The following ZC3H8 variants were observed in gnomAD, a reference collection of about 807,000 sequenced individuals.
ZC3H8 encodes the protein zinc finger CCCH domain-containing protein 8.
Under a neutral mutation model 42.5 loss-of-function variants are expected in ZC3H8, and 27 were observed. The ratio of observed to expected loss-of-function variants is 0.64; its 90% CI spans 0.47 to 0.88. The LOEUF is 0.88. Among genes scored for constraint, ZC3H8 ranks in the 40% least tolerant of loss-of-function variants. The pLI, the probability that ZC3H8 is intolerant of heterozygous loss-of-function variation, is 0.00. For missense variants in ZC3H8, 277 were observed against 336.1 expected (o/e 0.82, Z 1.37); for synonymous variants, 101 against 110.1 (o/e 0.92, Z 0.52).
intron 1 of ZC3H8, 68 bp downstream of exon 1, chr2:112,254,840 C>T: frequency 6.5e-7 from 1 of 1,545,472 alleles, no homozygotes; most frequent in South Asian, 1.2e-5. Flanking sequence ...GCCTCCAATC[C>T]AGAAGAAACT....
At chr2:112,236,725 A>G in intron 3 of ZC3H8, 30 bp from the exon 4 acceptor site, 1 of 1,555,120 alleles carries the variant, frequency 6.4e-7, no homozygotes, top group Non-Finnish European at 8.7e-7. Flanking sequence ...TTAAAAAATG[A>G]CATAAAGTTA....
chr2:112,248,960 C>T (rs574345499), intron 2 of ZC3H8, among the ~76,000 whole-genome samples: 4 of 152,124 alleles, frequency 2.6e-5, no homozygotes, highest in East Asian at 3.9e-4. Context: ...TTTGGGAGGC[C>T]GAGGCGGTCA....
chr2:112,241,006 G>T (rs972584849), intron 2 of ZC3H8, among the ~76,000 whole-genome samples: 3 of 129,390 alleles, frequency 2.3e-5, no homozygotes, highest in Non-Finnish European at 3.5e-5. Context: ...TGTGTGTTGT[G>T]TTTTGTGTGT....
chr2:112,231,816 GATT>G lies in ZC3H8; in HGVS notation c.843+19_843+21del. ...ATTCCTTAAAAAAGAAAAAACAAAA[GATT>G]ATTAAAAATTATACTTACTTTAGCC... On this transcript the variant is annotated intron_variant, in intron 7 of 8. Transcript: ENST00000409573. The G allele has an allele frequency of 6.9e-7, 1 of 1,445,702 alleles. No homozygotes were observed. The highest frequency in any genetic ancestry group is 9.4e-7 in the Non-Finnish European group (1 of 1,061,226). 89.6% of individuals were successfully genotyped at this position (1,445,702 alleles called of 1,614,324 possible).
rs1176551851 is a variant in ZC3H8, at chr2:112,226,604, A to AAAAAAAAAAAAC, written c.*15+4298_*15+4299insGTTTTTTTTTTT. On this transcript the variant is annotated intron_variant, in intron 8 of 8. Coordinates refer to ENST00000409573, the MANE Select transcript of ZC3H8 (RefSeq NM_032494.3). Reference sequence around the variant, plus strand: ...GACTCCATCTCAAAAAAAAAAAAAAAAGCTCAGGCCCAGTTGTCTTACTGG... The same window carrying AAAAAAAAAAAAC: ...GACTCCATCTCAAAAAAAAAAAAAAAAAAAAAAAAAACAGCTCAGGCCCAGTTGTCTTACTGG... Among the ~76,000 whole-genome samples the AAAAAAAAAAAAC allele has an allele frequency of 2.0e-5, 3 of 151,064 alleles. 1 individual carries two copies. The highest frequency in any genetic ancestry group is 6.6e-5 in the Admixed American group (1 of 15,190).
At chr2:112,243,690 T>G (rs144286837) in intron 2 of ZC3H8, among the ~76,000 whole-genome samples, 1 of 152,314 alleles carries the variant, frequency 6.6e-6, no homozygotes, top group Non-Finnish European at 1.5e-5. Flanking sequence ...CTCTCCTTCA[T>G]TATATAAATA....
In ZC3H8 at chr2:112,211,787, G is replaced by A. The variant is rs1283144119; in HGVS notation, c.*4697C>T. Reference sequence around the variant, plus strand: ...TCTTTCATGCCTCCAAGACAAGTTCGAATTTAGTTTATTTTTAAATAATGT... The same window carrying A: ...TCTTTCATGCCTCCAAGACAAGTTCAAATTTAGTTTATTTTTAAATAATGT... On this transcript the variant is annotated 3_prime_UTR_variant, in exon 9 of 9. Coordinates refer to ENST00000409573, the MANE Select transcript of ZC3H8 (RefSeq NM_032494.3). The A allele has an allele frequency of 4.0e-5, 6 of 151,872 alleles. No homozygotes were observed. Among genetic ancestry groups the A allele is most frequent in the South Asian group, 2.1e-4 (1 of 4,816 alleles). The allele number at this position is 151,872 out of a possible 1,614,324, so 9.4% of individuals were successfully genotyped here.
chr2:112,250,321 T>G lies in ZC3H8; in HGVS notation c.75-49A>C, dbSNP rs1249156149. 3 of 1,359,282 alleles carry G rather than the reference T, an allele frequency of 2.2e-6. No homozygotes were observed. In the South Asian group the frequency reaches 4.2e-5, roughly 19 times the overall value. The allele number at this position is 1,359,282 out of a possible 1,614,324, so 84.2% of individuals were successfully genotyped here. ...ACAAAAGAGTTTTTTCAACCTGAAG[T>G]GTTCATACCACAGCGTTACAATTCA... On this transcript the variant is annotated intron_variant, in intron 1 of 8. Coordinates refer to ENST00000409573, the MANE Select transcript of ZC3H8 (RefSeq NM_032494.3).
intron 2 of ZC3H8, among the ~76,000 whole-genome samples, chr2:112,243,000 G>C (rs1447059820): frequency 6.6e-6 from 1 of 152,158 alleles, no homozygotes; most frequent in African/African-American, 2.4e-5. Context: ...TGGCCTTTTG[G>C]CAAGAACAGC....
In ZC3H8 at chr2:112,216,278, G is replaced by A. The variant is rs1286049200; in HGVS notation, c.*206C>T. ...ATTCCAATGGCTGGAATGTCTCAGG[G>A]AAGACCAAGCCCTTCACTTGTACAT... On this transcript the variant is annotated 3_prime_UTR_variant, in exon 9 of 9. Coordinates refer to ENST00000409573, the MANE Select transcript of ZC3H8 (RefSeq NM_032494.3). The A allele has an allele frequency of 1.3e-5, 2 of 152,226 alleles. No homozygotes were observed. Among genetic ancestry groups the A allele is most frequent in the South Asian group, 2.1e-4 (1 of 4,834 alleles). The allele number at this position is 152,226 out of a possible 1,614,324, so 9.4% of individuals were successfully genotyped here. A position where few individuals can be genotyped will look rare whatever the true frequency, so the allele number is the denominator to read the frequency against.
chr2:112,214,920 T>C lies in ZC3H8; in HGVS notation c.*1564A>G, dbSNP rs1035483871. On this transcript the variant is annotated 3_prime_UTR_variant, in exon 9 of 9. Coordinates refer to ENST00000409573, the MANE Select transcript of ZC3H8 (RefSeq NM_032494.3). ...ATGCTTGTTTCTTAAAACAATTAAT[T>C]TGAAAAATAAGAGGTTTTTAACCTA... The C allele has an allele frequency of 1.3e-5, 2 of 152,258 alleles. No individual in the cohort carries two copies. Among genetic ancestry groups the C allele is most frequent in the African/African-American group, 4.8e-5 (2 of 41,558 alleles). The allele number at this position is 152,258 out of a possible 1,614,324, so 9.4% of individuals were successfully genotyped here.
intron 2 of ZC3H8, among the ~76,000 whole-genome samples, chr2:112,248,532 C>A (rs1315080008): frequency 6.6e-6 from 1 of 151,660 alleles, no homozygotes; most frequent in Non-Finnish European, 1.5e-5. Flanking sequence ...CTCTTGTTGC[C>A]CAGGCTGGAG....
At position 112,231,852 on chromosome 2, in the gene ZC3H8, C is replaced by T. The variant is rs1453894990; in HGVS notation, c.829G>A (p.Glu277Lys). Residue 277 changes from glutamate (E) to lysine (K), a missense_variant, in exon 7 of 9, where the codon GAA becomes AAA. Physicochemically the swap from Glu to Lys is moderately conservative, Grantham distance 56. Coordinates refer to ENST00000409573, the MANE Select transcript of ZC3H8 (RefSeq NM_032494.3). Reference sequence around the variant, plus strand: ...ATTATACTTACTTTAGCCAACAATTCTTGTGTTTCAGGAGTCAGTGGAGCA... The same window carrying T: ...ATTATACTTACTTTAGCCAACAATTTTTGTGTTTCAGGAGTCAGTGGAGCA... ...SHAPLTPETQ[E>K]LLAKVLDTEK... 6.3e-7 allele frequency: 1 copy of T among 1,580,582 alleles called. No homozygotes were observed. The highest frequency in any genetic ancestry group is 1.2e-5 in the South Asian group (1 of 84,614).
At chr2:112,228,102 TCAATGGAACA>T in intron 8 of ZC3H8, among the ~76,000 whole-genome samples, 3 of 152,126 alleles carry the variant, frequency 2.0e-5, no homozygotes, top group Admixed American at 2.0e-4. Flanking sequence ...CATATAGAGG[TCAATGGAACA>T]CAACTAAGTA....
Position 112,230,841 on chromosome 2 carries a change from C to T in ZC3H8, c.*15+62G>A, listed in dbSNP as rs1293805101. ...CTATTTGAGAACCCTATTGAGGTTG[C>T]ATGCCAACTTCTGGAGATGTTCAGA... On this transcript the variant is annotated intron_variant, in intron 8 of 8. Coordinates refer to ENST00000409573, the MANE Select transcript of ZC3H8 (RefSeq NM_032494.3). 1.1e-5 allele frequency: 12 copies of T among 1,100,050 alleles called. No homozygotes were observed. The Admixed American group carries it at 4.8e-4, about 44-fold the overall frequency. 68.1% of individuals were successfully genotyped at this position (1,100,050 alleles called of 1,614,324 possible).
chr2:112,229,252 GAAC>G (rs760286758), intron 8 of ZC3H8, among the ~76,000 whole-genome samples: 4 of 152,060 alleles, frequency 2.6e-5, no homozygotes, highest in Admixed American at 2.0e-4. Context: ...GGGAAAAAGG[GAAC>G]AACAACAACA....
rs748708885 is a variant in ZC3H8, at chr2:112,236,710, T to A, written c.371-15A>T. On this transcript the variant is annotated splice_polypyrimidine_tract_variant and intron_variant, in intron 3 of 8. Transcript: ENST00000409573. ...TTGTTTAGCAGCTAAAAACAAAAAA[T>A]TAATTTAAAAAATGACATAAAGTTA... 1 of 1,586,296 alleles carries A rather than the reference T, an allele frequency of 6.3e-7. No individual in the cohort carries two copies. The highest frequency in any genetic ancestry group is 1.1e-5 in the South Asian group (1 of 87,904).
chr2:112,223,523 T>C (rs1326420637), intron 8 of ZC3H8, among the ~76,000 whole-genome samples: 1 of 152,176 alleles, frequency 6.6e-6, no homozygotes, highest in Non-Finnish European at 1.5e-5. Context: ...GTATAACCTC[T>C]TGACTTTTTA....
chr2:112,235,813 G>A (rs1283458550), intron 4 of ZC3H8, among the ~76,000 whole-genome samples: 1 of 151,996 alleles, frequency 6.6e-6, no homozygotes, highest in Non-Finnish European at 1.5e-5. Context: ...TTTCCAGAGG[G>A]AGCCAGGATG....
Sources: gnomAD v4.1 joint callset for allele counts (sites outside exome capture counted in the v4.1 genomes callset) on GRCh38, gnomAD v4.1.1 for gene constraint, MANE v1.5 for transcripts, NCBI Gene and HGNC (gene_info 2026-07-23, HGNC 2026-07-21) for gene names.